The following MAP4K1 variants were observed in gnomAD, a reference collection of about 807,000 sequenced individuals.
MAP4K1 encodes mitogen-activated protein kinase kinase kinase kinase 1.
MAP4K1 carries 35 observed loss-of-function variants against 122.8 expected under a neutral mutation model. That is an observed-to-expected ratio of 0.29 (90% confidence interval 0.22 to 0.38). The LOEUF is 0.38. Among genes scored for constraint, MAP4K1 ranks in the 10% least tolerant of loss-of-function variants. MAP4K1 has a pLI of 1.00. For synonymous variants in MAP4K1, 412 were observed against 421.3 expected (o/e 0.98, Z 0.27); for missense variants, 791 against 1,072.6 (o/e 0.74, Z 3.67).
intron 30 of MAP4K1, among the ~76,000 whole-genome samples, chr19:38,592,251 G>A (rs1282210335): frequency 7.9e-5 from 12 of 152,078 alleles, no homozygotes; most frequent in African/African-American, 2.2e-4. Flanking sequence ...TTCAGCCTGC[G>A]CAACAGAATG....
At chr19:38,596,535 GC>G (rs1483783388) in intron 25 of MAP4K1, 49 bp from the exon 26 acceptor site, 3 of 1,422,942 alleles carry the variant, frequency 2.1e-6, no homozygotes, top group African/African-American at 2.8e-5. Flanking sequence ...TCAGGACGGG[GC>G]CTCAGGGGGC....
chr19:38,602,531 TATATACAC>T (rs771716506), intron 19 of MAP4K1, among the ~76,000 whole-genome samples: 136 of 147,156 alleles, frequency 9.2e-4, no homozygotes, highest in Non-Finnish European at 1.7e-3. Flanking sequence ...CGCATATACA[TATATACAC>T]ATATACATAT....
At chr19:38,600,046 G>C in intron 21 of MAP4K1, 31 bp downstream of exon 21, 1 of 1,614,158 alleles carries the variant, frequency 6.2e-7, no homozygotes, top group African/African-American at 1.3e-5. Flanking sequence ...TCCGGCCCTT[G>C]CCCTTGCCCT....
At position 38,595,495 on chromosome 19, in the gene MAP4K1, C is replaced by G; in HGVS notation, c.2330G>C (p.Gly777Ala). Residue 777 changes from glycine to alanine, a missense_variant, in exon 29 of 31, where the codon GGC becomes GCC. By Grantham distance (60) the Gly-to-Ala change is moderately conservative (BLOSUM62 0). Transcript: ENST00000396857. ...WKHGVQVWAL[G>A]SDQLLQELRD... The stretch of plus-strand genomic sequence containing the variant: ...GATGGAGGGGCTTACCTGATCCGAG[C>G]CTAGAGCCCACACCTGCACTCCATG... 4 of 1,613,958 alleles carry G rather than the reference C, an allele frequency of 2.5e-6. No individual in the cohort carries two copies. The highest frequency in any genetic ancestry group is 3.4e-6 in the Non-Finnish European group (4 of 1,179,984).
intron 29 of MAP4K1, among the ~76,000 whole-genome samples, 176 bp downstream of exon 29, chr19:38,595,309 A>T (rs1266567281): frequency 2.0e-5 from 3 of 152,112 alleles, no homozygotes; most frequent in African/African-American, 7.2e-5. Flanking sequence ...AATAAATAAA[A>T]ATAAAATAAA....
intron 19 of MAP4K1, among the ~76,000 whole-genome samples, chr19:38,602,529 C>CACATATACAT (rs1568629944): frequency 1.9e-4 from 28 of 148,726 alleles, no homozygotes; most frequent in Non-Finnish European, 3.0e-4. Context: ...TACGCATATA[C>CACATATACAT]ATATATACAC....
At chr19:38,605,275 TA>T in intron 19 of MAP4K1, 133 bp downstream of exon 19, 1 of 657,794 alleles carries the variant, frequency 1.5e-6, no homozygotes, top group Non-Finnish European at 2.7e-6. Context: ...TGATAGGAGA[TA>T]AGTGTAGGGC....
At chr19:38,600,017 C>G in intron 21 of MAP4K1, 32 bp from the exon 22 acceptor site, 1 of 1,614,052 alleles carries the variant, frequency 6.2e-7, no homozygotes, top group South Asian at 1.1e-5. Context: ...GCTCTGGTGA[C>G]ACCCCAGCAA....
rs1430676797 is a variant in MAP4K1, at chr19:38,593,278, A to G, written c.2396+4T>C. The G allele has an allele frequency of 1.2e-6, 2 of 1,611,282 alleles. No individual in the cohort carries two copies. The highest frequency in any genetic ancestry group is 1.7e-6 in the Non-Finnish European group (2 of 1,178,680). On this transcript the variant is annotated splice_donor_region_variant and intron_variant, in intron 30 of 30. Transcript: ENST00000396857. The stretch of plus-strand genomic sequence containing the variant: ...GTCCTTCTGCACCCCACCCCACAAC[A>G]TACCTGGGGGAGCCAAGCAGACGGA...
rs2144719898 is a variant in MAP4K1 at position 38,603,023 on chromosome 19, TATAC to T, written c.1447-1502_1447-1499del. Reference sequence around the variant, plus strand: ...ATACATATATACACACATATACATGTATACATATATACACATGTACATATATACG... The same window carrying T: ...ATACATATATACACACATATACATGTATATATACACATGTACATATATACG... On this transcript the variant is annotated intron_variant, in intron 19 of 30. Transcript: ENST00000396857. Among the ~76,000 whole-genome samples, 2 of 147,276 alleles carry T rather than the reference TATAC, an allele frequency of 1.4e-5. 1 individual carries two copies. Among genetic ancestry groups the T allele is most frequent in the East Asian group, 4.2e-4 (2 of 4,764 alleles).
At chr19:38,613,392 G>T (rs1337313080) in intron 8 of MAP4K1, among the ~76,000 whole-genome samples, 1 of 151,432 alleles carries the variant, frequency 6.6e-6, no homozygotes, top group Non-Finnish European at 1.5e-5. Context: ...AGGTGTCATG[G>T]TGCACACCTG....
At chr19:38,603,413 TACACGTATAC>T (rs1371872305) in intron 19 of MAP4K1, among the ~76,000 whole-genome samples, 15 of 134,096 alleles carry the variant, frequency 1.1e-4, no homozygotes, top group Admixed American at 1.1e-3. Flanking sequence ...TACATATATA[TACACGTATAC>T]ATATATACAC....
intron 22 of MAP4K1, 132 bp downstream of exon 22, chr19:38,599,792 TG>T: frequency 1.2e-6 from 1 of 839,366 alleles, no homozygotes; most frequent in Non-Finnish European, 2.0e-6. Context: ...AAAAAGTGTC[TG>T]GGATTTGAAC....
At chr19:38,602,781 T>C (rs149854000) in intron 19 of MAP4K1, among the ~76,000 whole-genome samples, 31 of 144,692 alleles carry the variant, frequency 2.1e-4, no homozygotes, top group Non-Finnish European at 3.5e-4. Flanking sequence ...TATATACACA[T>C]ATACATATAT....
intron 26 of MAP4K1, 79 bp downstream of exon 26, chr19:38,596,233 G>A (rs998960461): frequency 6.8e-7 from 1 of 1,467,212 alleles, no homozygotes. Context: ...AGTGCCTCAG[G>A]CTAAGCGAAG....
Position 38,617,399 on chromosome 19 carries a change from G to T in MAP4K1, c.203C>A (p.Thr68Asn), listed in dbSNP as rs1319382622. The T allele has an allele frequency of 6.2e-7, 1 of 1,613,886 alleles. No homozygotes were observed. The highest frequency in any genetic ancestry group is 1.3e-5 in the African/African-American group (1 of 74,892). Residue 68 changes from threonine to asparagine, a missense_variant, in exon 3 of 31, where the codon ACT (threonine) becomes AAT (asparagine). Thr to Asn is a moderately conservative substitution (Grantham distance 65). Around this residue, in one of 4 missense-constraint regions of MAP4K1, gnomAD observed 163 missense variants for 286.1 expected, o/e 0.57. Transcript: ENST00000396857. This position sits in a 1 kb window ranked among gnomAD's most constrained non-coding sequence, Gnocchi z 4.1. ...GGCCACGATGTTGGCGTGCCGGCAA[G>T]TTTTCAATATGAGGATTTCCTTCTG... is the stretch of plus-strand genomic sequence containing the variant. ...TLQKEILILK[T>N]CRHANIVAYH...
In MAP4K1 at chr19:38,596,317, C is replaced by T; in HGVS notation, c.2111G>A (p.Ser704Asn). The part of the protein sequence containing the change: ...GALSCWLGEM[S>N]TEHRGPVQVT... ...CAAGACTCCGCCCCACTCACCGGTG[C>T]TCATCTCGCCCAGCCAGCAAGAGAG... Residue 704 changes from serine to asparagine, a missense_variant, in exon 26 of 31, where the codon AGC becomes AAC. Ser to Asn is a conservative substitution (Grantham distance 46). Transcript: ENST00000396857. 6.3e-7 allele frequency: 1 copy of T among 1,576,190 alleles called. No homozygotes were observed. The highest frequency in any genetic ancestry group is 2.3e-5 in the East Asian group (1 of 43,748).
rs1045033115 is a variant in MAP4K1, at chr19:38,610,020, T to C, written c.816A>G (p.Gln272=). The C allele has an allele frequency of 3.7e-6, 6 of 1,611,790 alleles. No homozygotes were observed. The highest frequency in any genetic ancestry group is 5.1e-6 in the Non-Finnish European group (6 of 1,177,938). The change falls in exon 12 of 31, where the codon CAA becomes CAG. Residue 272 remains glutamine (Q), a synonymous_variant. Coordinates refer to ENST00000396857, the MANE Select transcript of MAP4K1 (RefSeq NM_001042600.3). The stretch of plus-strand genomic sequence containing the variant: ...GATTCAGCCCAGGCTGGGATACCAG[T>C]TGATGCTGGCGGAGGGAAGAGGTGT... ...RPSATKMLSH[Q]LVSQPGLNRG...
intron 30 of MAP4K1, among the ~76,000 whole-genome samples, chr19:38,592,071 A>G (rs573006614): frequency 2.0e-5 from 3 of 152,266 alleles, no homozygotes; most frequent in Non-Finnish European, 4.4e-5. Flanking sequence ...CAGCAGTTCA[A>G]GGACAGCCAG....
Sources: allele counts gnomAD v4.1 joint callset (sites outside exome capture counted in the v4.1 genomes callset), GRCh38; gene constraint gnomAD v4.1.1; regional missense constraint gnomAD v4.1.1; non-coding constraint Gnocchi (gnomAD v3.1); transcripts MANE v1.5; gene names NCBI Gene and HGNC (gene_info 2026-07-23, HGNC 2026-07-21).